Variants in ENOSF1 observed in about 807,000 individuals in gnomAD.
The protein encoded by ENOSF1 is mitochondrial enolase superfamily member 1.
ENOSF1 carries 73 observed loss-of-function variants against 68.2 expected under a neutral mutation model. That is an observed-to-expected ratio of 1.07 (90% CI 0.89 to 1.30). The LOEUF is 1.30. ENOSF1 is among the 50% of genes most tolerant of loss of function. The probability of loss-of-function intolerance (pLI) is 0.00; values close to 1 mark genes in which losing one functional copy is unlikely to be tolerated. For missense variants in ENOSF1, 589 were observed against 554.5 expected, an observed-to-expected ratio of 1.06 and a Z score of -0.62; for synonymous variants, 223 against 210.4, an observed-to-expected ratio of 1.06 and a Z score of -0.52.
intron 5 of ENOSF1, 151 bp downstream of exon 5, chr18:693,731 G>A (rs934146885): frequency 1.4e-6 from 2 of 1,445,714 alleles, no homozygotes; most frequent in African/African-American, 2.9e-5. Flanking sequence ...TATCAGAAAA[G>A]GAATGTCATA....
chr18:677,835 G>A lies in ENOSF1; in HGVS notation c.956C>T (p.Ala319Val), dbSNP rs756858370. Residue 319 changes from alanine to valine, a missense_variant, in exon 13 of 16, where the codon GCG becomes GTG. Coordinates refer to ENST00000647584, the MANE Select transcript of ENOSF1 (RefSeq NM_017512.7). ...AATCTGGAGGAACTGCAGGGCCTTC[G>A]CCTGTAGGAGTTGCTTAAATATCAC... Reference protein sequence around the residue: ...NRVIFKQLLQAKALQFLQIDS... With the variant: ...NRVIFKQLLQVKALQFLQIDS... The A allele has an allele frequency of 6.8e-6, 11 of 1,613,908 alleles. No individual in the cohort carries two copies. The African/African-American group carries it at 1.1e-4, about 16-fold the overall frequency.
At chr18:686,175 G>A (rs767715953) in intron 9 of ENOSF1, 167 bp from the exon 10 acceptor site, 3 of 607,138 alleles carry the variant, frequency 4.9e-6, no homozygotes, top group African/African-American at 1.8e-5. Flanking sequence ...ATAAACCTGG[G>A]AACTTTATCT....
intron 2 of ENOSF1, among the ~76,000 whole-genome samples, chr18:700,916 A>AAG (rs2078279645): frequency 8.7e-5 from 12 of 138,208 alleles, no homozygotes; most frequent in African/African-American, 2.7e-4. Flanking sequence ...AAAAAAAAAC[A>AAG]AGAGAAATTT....
intron 10 of ENOSF1, among the ~76,000 whole-genome samples, chr18:684,250 C>A (rs1275971897): frequency 6.6e-6 from 1 of 152,130 alleles, no homozygotes; most frequent in African/African-American, 2.4e-5. Flanking sequence ...CCGCCTCGGC[C>A]TCCCAAAGTG....
intron 10 of ENOSF1, 40 bp from the exon 11 acceptor site, chr18:683,420 C>G (rs937783651): frequency 1.2e-6 from 2 of 1,609,244 alleles, no homozygotes; most frequent in Admixed American, 1.7e-5. Flanking sequence ...CAGCCCTGAG[C>G]CAACCTCACA....
chr18:695,045 C>T (rs577481587), intron 3 of ENOSF1, among the ~76,000 whole-genome samples: 1 of 152,286 alleles, frequency 6.6e-6, no homozygotes, highest in South Asian at 2.1e-4. Flanking sequence ...AAGGCCAGTC[C>T]ATAATCAAAT....
chr18:685,134 G>C (rs1487521770), intron 10 of ENOSF1, among the ~76,000 whole-genome samples: 3 of 152,010 alleles, frequency 2.0e-5, no homozygotes, highest in Non-Finnish European at 4.4e-5. Context: ...AAAGTGTTAG[G>C]ATTATAGGCA....
rs74977338 is a variant in ENOSF1 at position 707,431 on chromosome 18, A to C, written c.85-853T>G. On this transcript the variant is annotated intron_variant, in intron 1 of 15. Transcript: ENST00000647584. ...TTCAAATTGAACAAGCCAAAGGTTCAGAAAACTGTTGCATAAAATTGGAGT... is the reference window on the plus strand; with the variant it reads ...TTCAAATTGAACAAGCCAAAGGTTCCGAAAACTGTTGCATAAAATTGGAGT... Among the ~76,000 whole-genome samples the C allele has an allele frequency of 2.6e-4, 40 of 152,372 alleles. No homozygotes were observed. The East Asian group carries it at 6.6e-3, about 25-fold the overall frequency.
intron 4 of ENOSF1, 74 bp downstream of exon 4, chr18:694,174 T>C: frequency 6.9e-7 from 1 of 1,455,010 alleles, no homozygotes; most frequent in Non-Finnish European, 9.5e-7. Flanking sequence ...TGTGTCTGTC[T>C]TTCCTCTGTG....
rs2075022807 is a variant in ENOSF1, at chr18:671,084, T to C, written c.*3221A>G. 1 of 633,076 alleles carries C rather than the reference T, an allele frequency of 1.6e-6. No individual in the cohort carries two copies. The highest frequency in any genetic ancestry group is 3.0e-5 in the Admixed American group (1 of 33,454). The allele number at this position is 633,076 out of a possible 1,614,324, so 39.2% of individuals were successfully genotyped here. A position where few individuals can be genotyped will look rare whatever the true frequency, so the allele number is the denominator to read the frequency against. Reference sequence around the variant, plus strand: ...CACTAACAGATCTATACAGGTTGTTTGTGATACAGCTTCTATGGATTTTCT... The same window carrying C: ...CACTAACAGATCTATACAGGTTGTTCGTGATACAGCTTCTATGGATTTTCT... On this transcript the variant is annotated 3_prime_UTR_variant, in exon 16 of 16. Coordinates refer to ENST00000647584, the MANE Select transcript of ENOSF1 (RefSeq NM_017512.7).
rs2075600855 is a variant in ENOSF1, at chr18:677,200, G to C, written c.1148+145C>G. ...CGTTCATTGGTGGGTCTCTGTGAAA[G>C]CAAAACCAACTCCGCCTGAGAGTTA... On this transcript the variant is annotated intron_variant, in intron 14 of 15. Coordinates refer to ENST00000647584, the MANE Select transcript of ENOSF1 (RefSeq NM_017512.7). The C allele has an allele frequency of 4.3e-5, 29 of 672,596 alleles. No individual in the cohort carries two copies. The East Asian group carries it at 8.9e-4, about 21-fold the overall frequency. The allele number at this position is 672,596 out of a possible 1,614,324, so 41.7% of individuals were successfully genotyped here.
At position 672,327 on chromosome 18, in the gene ENOSF1, C is replaced by CTT. The variant is rs2075101014; in HGVS notation, c.*1976_*1977dup. The CTT allele has an allele frequency of 6.6e-6, 1 of 152,248 alleles. No homozygotes were observed. The highest frequency in any genetic ancestry group is 2.4e-5 in the African/African-American group (1 of 41,444). The allele number at this position is 152,248 out of a possible 1,614,324, so 9.4% of individuals were successfully genotyped here. On this transcript the variant is annotated 3_prime_UTR_variant, in exon 16 of 16. Transcript: ENST00000647584. ...TTTGGCTGCTTTTGAGTGGAGGTGA[C>CTT]TTCAGGCTTATTCTCTCTGGCTCTC...
At chr18:683,160 T>G in intron 11 of ENOSF1, 86 bp downstream of exon 11, 1 of 1,513,804 alleles carries the variant, frequency 6.6e-7, no homozygotes, top group Non-Finnish European at 9.0e-7. Flanking sequence ...AGGGAACAAG[T>G]GAAGAAATTT....
chr18:695,844 C>T (rs2077654008), intron 3 of ENOSF1, among the ~76,000 whole-genome samples: 1 of 152,166 alleles, frequency 6.6e-6, no homozygotes, highest in African/African-American at 2.4e-5. Flanking sequence ...CAGATTCAGC[C>T]AATGGGAACT....
chr18:691,316 A>G, intron 5 of ENOSF1, 40 bp from the exon 6 acceptor site: 1 of 1,509,152 alleles, frequency 6.6e-7, no homozygotes, highest in Non-Finnish European at 9.1e-7. Flanking sequence ...TGAATCAATT[A>G]TAAGGTGGGT....
intron 14 of ENOSF1, among the ~76,000 whole-genome samples, chr18:676,698 A>C (rs1467172369): frequency 3.9e-5 from 6 of 152,196 alleles, no homozygotes; most frequent in Admixed American, 3.9e-4. Context: ...AAAAGACAGC[A>C]CCTGTCTACT....
intron 2 of ENOSF1, among the ~76,000 whole-genome samples, chr18:704,551 T>G (rs951613794): frequency 3.3e-5 from 5 of 151,544 alleles, no homozygotes; most frequent in Admixed American, 2.6e-4. Context: ...CTTTTATGTC[T>G]ACTTCCCCAA....
downstream of ENOSF1, among the ~76,000 whole-genome samples, chr18:668,583 G>A (rs528982507): frequency 3.4e-4 from 52 of 152,348 alleles, no homozygotes; most frequent in African/African-American, 9.4e-4. Flanking sequence ...TGAGGTGATA[G>A]AAAGGAATCC....
downstream of ENOSF1, chr18:669,039 T>A (rs1262148807): frequency 1.3e-6 from 2 of 1,551,430 alleles, no homozygotes; most frequent in Non-Finnish European, 8.9e-7. Flanking sequence ...GATTAATGTA[T>A]GTACCTGTCC....
Sources: gnomAD v4.1 joint callset for allele counts (sites outside exome capture counted in the v4.1 genomes callset) on GRCh38, gnomAD v4.1.1 for gene constraint, MANE v1.5 for transcripts, NCBI Gene and HGNC (gene_info 2026-07-23, HGNC 2026-07-21) for gene names.